RSU1: variants seen among roughly 807,000 people sequenced by gnomAD.
RSU1 encodes the protein Ras suppressor protein 1.
RSU1 carries 26 observed loss-of-function variants against 31.1 expected under a neutral mutation model. The observed-to-expected ratio is 0.84, with a 90% confidence interval of 0.61 to 1.16. The LOEUF (loss-of-function observed/expected upper bound fraction) is 1.16. Ranked by LOEUF, RSU1 falls within the 50% of genes most tolerant of loss-of-function variation. RSU1 has a pLI of 0.00. For synonymous variants in RSU1, 164 were observed against 136.3 expected (o/e 1.20, Z -1.41); for missense variants, 320 against 339.1 (o/e 0.94, Z 0.44).
At chr10:16,634,916 G>A (rs979862182) in intron 8 of RSU1, among the ~76,000 whole-genome samples, 3 of 152,138 alleles carry the variant, frequency 2.0e-5, no homozygotes, top group Admixed American at 2.0e-4. Context: ...ATTTATTATA[G>A]CTCATTTTCT....
chr10:16,601,806 G>A (rs1833719194), intron 8 of RSU1, among the ~76,000 whole-genome samples: 1 of 152,178 alleles, frequency 6.6e-6, no homozygotes, highest in Non-Finnish European at 1.5e-5. Flanking sequence ...AGGGCAGAGT[G>A]CAGGAAAGAT....
At chr10:16,775,160 A>T (rs1319156848) in intron 3 of RSU1, among the ~76,000 whole-genome samples, 1 of 152,218 alleles carries the variant, frequency 6.6e-6, no homozygotes, top group African/African-American at 2.4e-5. Context: ...GTACACACAC[A>T]TCAAGTGATA....
At chr10:16,790,930 G>C in intron 2 of RSU1, among the ~76,000 whole-genome samples, 1 of 152,166 alleles carries the variant, frequency 6.6e-6, no homozygotes, top group East Asian at 1.9e-4. Context: ...GGAACTGTGA[G>C]CCAATTAAAC....
chr10:16,812,725 A>G (rs1458458805), intron 2 of RSU1, among the ~76,000 whole-genome samples: 2 of 152,104 alleles, frequency 1.3e-5, no homozygotes, highest in East Asian at 3.9e-4. Flanking sequence ...AAAAAATGAT[A>G]AAGGCTTGAC....
At chr10:16,814,727 CCA>C (rs1838490334) in intron 2 of RSU1, among the ~76,000 whole-genome samples, 1 of 152,132 alleles carries the variant, frequency 6.6e-6, no homozygotes, top group Non-Finnish European at 1.5e-5. Flanking sequence ...ACCCAACTTC[CCA>C]AAAAGTACTA....
At position 16,593,436 on chromosome 10, in the gene RSU1, C is replaced by T. The variant is rs540134633; in HGVS notation, c.792G>A (p.Ser264=). ...CCAGGGGTTTCCGGCTGATCTTTTT[C>T]GATTTGTCATTATTCTTCTTCGGTG... is the stretch of plus-strand genomic sequence containing the variant. ...PEPPKKNNDK[S]KKISRKPLAA... Residue 264 remains serine, a synonymous_variant, in exon 9 of 9, where the codon TCG becomes TCA. Coordinates refer to ENST00000345264, the MANE Select transcript of RSU1 (RefSeq NM_012425.4). The T allele has an allele frequency of 1.8e-5, 29 of 1,613,962 alleles. 1 individual carries two copies. The highest frequency in any genetic ancestry group is 1.3e-4 in the African/African-American group (10 of 74,948).
chr10:16,657,477 T>C (rs1475079349), intron 8 of RSU1, among the ~76,000 whole-genome samples: 1 of 148,946 alleles, frequency 6.7e-6, no homozygotes, highest in Non-Finnish European at 1.5e-5. Flanking sequence ...GTTAGACTTT[T>C]GGGATTTTTT....
At chr10:16,752,819 C>T (rs1232570207) in intron 6 of RSU1, 99 bp downstream of exon 6, 5 of 1,172,212 alleles carry the variant, frequency 4.3e-6, no homozygotes, top group Non-Finnish European at 6.3e-6. Context: ...GGTTTATTCC[C>T]ACAAAACAAA....
chr10:16,649,927 C>T (rs992552970), intron 8 of RSU1, among the ~76,000 whole-genome samples: 3 of 152,154 alleles, frequency 2.0e-5, no homozygotes, highest in Non-Finnish European at 2.9e-5. Context: ...TTGTTTAAAA[C>T]CAAAAGTAAA....
At chr10:16,619,362 T>A (rs1588677653) in intron 8 of RSU1, among the ~76,000 whole-genome samples, 1 of 152,216 alleles carries the variant, frequency 6.6e-6, no homozygotes, top group Non-Finnish European at 1.5e-5. Flanking sequence ...GATGGTGACA[T>A]GATCTACCAT....
At chr10:16,636,980 T>C (rs1166602008) in intron 8 of RSU1, among the ~76,000 whole-genome samples, 2 of 152,156 alleles carry the variant, frequency 1.3e-5, no homozygotes, top group African/African-American at 4.8e-5. Context: ...TTCCCTTTTG[T>C]AAGAAACAGG....
At chr10:16,641,450 C>T (rs1377781308) in intron 8 of RSU1, among the ~76,000 whole-genome samples, 2 of 151,192 alleles carry the variant, frequency 1.3e-5, no homozygotes, top group Non-Finnish European at 2.9e-5. Context: ...CGAGACTGTG[C>T]CACTGCACTC....
intron 8 of RSU1, among the ~76,000 whole-genome samples, chr10:16,615,805 A>T (rs1833965663): frequency 6.6e-6 from 1 of 152,226 alleles, no homozygotes; most frequent in Non-Finnish European, 1.5e-5. Context: ...AGGCAGAAAA[A>T]AGTAAGTTCT....
intron 7 of RSU1, among the ~76,000 whole-genome samples, chr10:16,741,681 A>G (rs1836755764): frequency 6.6e-6 from 1 of 152,216 alleles, no homozygotes; most frequent in African/African-American, 2.4e-5. Flanking sequence ...GGAACATTAA[A>G]GAGCTCTAAT....
chr10:16,799,908 G>C (rs1037502901), intron 2 of RSU1, among the ~76,000 whole-genome samples: 1 of 152,148 alleles, frequency 6.6e-6, no homozygotes, highest in Non-Finnish European at 1.5e-5. Flanking sequence ...AGGCTCACTA[G>C]AGAGATCTAA....
At position 16,687,173 on chromosome 10, in the gene RSU1, T is replaced by C. The variant is rs1835455452; in HGVS notation, c.731+7850A>G. Among the ~76,000 whole-genome samples, 3 of 152,296 alleles carry C rather than the reference T, an allele frequency of 2.0e-5. No individual in the cohort carries two copies. In the South Asian group the frequency reaches 6.2e-4, roughly 32 times the overall value. ...AAAACACTCCAGAGTAGGACACGTA[T>C]ACAATGGAGTCTTACTAGATGTCTT... is the stretch of plus-strand genomic sequence containing the variant. On this transcript the variant is annotated intron_variant, in intron 8 of 8. Transcript: ENST00000345264.
intron 8 of RSU1, among the ~76,000 whole-genome samples, chr10:16,676,512 C>G (rs1835235297): frequency 6.6e-6 from 1 of 152,194 alleles, no homozygotes; most frequent in South Asian, 2.1e-4. Context: ...AGCTACAATT[C>G]AAGATGAGAT....
At chr10:16,654,729 C>A (rs1197089684) in intron 8 of RSU1, among the ~76,000 whole-genome samples, 1 of 150,478 alleles carries the variant, frequency 6.6e-6, no homozygotes, top group East Asian at 2.0e-4. Context: ...AGAATCACAA[C>A]CTTTAACACA....
chr10:16,675,372 A>G (rs1188621863), intron 8 of RSU1, among the ~76,000 whole-genome samples: 1 of 152,176 alleles, frequency 6.6e-6, no homozygotes, highest in Non-Finnish European at 1.5e-5. Context: ...CCTAGACATC[A>G]GGTGACCTAA....
Sources: gnomAD v4.1 joint callset for allele counts (sites outside exome capture counted in the v4.1 genomes callset) on GRCh38, gnomAD v4.1.1 for gene constraint, MANE v1.5 for transcripts, NCBI Gene and HGNC (gene_info 2026-07-23, HGNC 2026-07-21) for gene names.